The following GADL1 variants were observed in gnomAD, a reference collection of about 807,000 sequenced individuals.
The protein encoded by GADL1 is GAD like acidic amino acid decarboxylase 1.
In GADL1, 71 loss-of-function variants were observed where a neutral mutation model predicts 69.5. The observed-to-expected ratio is 1.02, with a 90% CI of 0.84 to 1.25. The LOEUF is 1.25. Ranked by LOEUF, GADL1 falls within the 50% of genes most tolerant of loss-of-function variation. The pLI is 0.00. For synonymous variants in GADL1, 254 were observed against 214.4 expected (o/e 1.18, Z -1.62); for missense variants, 737 against 631.8 (o/e 1.17, Z -1.79).
intron 13 of GADL1, among the ~76,000 whole-genome samples, chr3:30,784,438 A>G (rs550482305): frequency 1.4e-5 from 2 of 144,680 alleles, no homozygotes; most frequent in East Asian, 2.0e-4. Context: ...TTGTCTTTAT[A>G]GTACTACCAG....
chr3:30,805,066 A>G (rs1697227711), intron 11 of GADL1, among the ~76,000 whole-genome samples: 1 of 152,184 alleles, frequency 6.6e-6, no homozygotes, highest in Non-Finnish European at 1.5e-5. Context: ...CAATCACAAC[A>G]CCTAACCTAG....
At chr3:30,773,716 A>G (rs1465466702) in intron 14 of GADL1, among the ~76,000 whole-genome samples, 1 of 152,186 alleles carries the variant, frequency 6.6e-6, no homozygotes, top group Non-Finnish European at 1.5e-5. Context: ...TTCTTCTGAA[A>G]TATTTGCTAT....
chr3:30,762,422 G>A (rs1696159548), intron 14 of GADL1, among the ~76,000 whole-genome samples: 1 of 152,156 alleles, frequency 6.6e-6, no homozygotes, highest in African/African-American at 2.4e-5. Context: ...CTGAACTCAT[G>A]TACTTCAACA....
chr3:30,751,735 G>A (rs985319950), intron 14 of GADL1, among the ~76,000 whole-genome samples: 4 of 151,812 alleles, frequency 2.6e-5, no homozygotes, highest in Non-Finnish European at 2.9e-5. Context: ...CTGAGAAACT[G>A]AACTAGATTT....
At chr3:30,795,724 T>C (rs1276385160) in intron 12 of GADL1, among the ~76,000 whole-genome samples, 1 of 152,186 alleles carries the variant, frequency 6.6e-6, no homozygotes. Flanking sequence ...AGAAACTCTT[T>C]CCAAGTTTTA....
Position 30,786,369 on chromosome 3 carries a change from T to G in GADL1, c.1288A>C (p.Lys430Gln). 6.4e-7 allele frequency: 1 copy of G among 1,560,650 alleles called. No individual in the cohort carries two copies. The highest frequency in any genetic ancestry group is 8.8e-7 in the Non-Finnish European group (1 of 1,132,666). ...CAATCACTTACTTCCATCAGTAACT[T>G]GAATCCTTCTCTTTTCTTGATTTCA... is the stretch of plus-strand genomic sequence containing the variant. ...VDEIKKREGF[K>Q]LLMEPEYANI... The change falls in exon 13 of 15, where the codon AAG becomes CAG. Residue 430 changes from lysine (K) to glutamine (Q), a missense_variant. By Grantham distance (53) the Lys-to-Gln change is moderately conservative. Transcript: ENST00000282538.
At chr3:30,824,649 G>T (rs899140038) in intron 11 of GADL1, among the ~76,000 whole-genome samples, 4 of 151,578 alleles carry the variant, frequency 2.6e-5, no homozygotes, top group Non-Finnish European at 5.9e-5. Flanking sequence ...AAATCTTAAA[G>T]ACATAAGCTT....
intron 2 of GADL1, 138 bp downstream of exon 2, chr3:30,861,455 A>G: frequency 1.6e-6 from 1 of 640,284 alleles, no homozygotes. Flanking sequence ...ACACTTTTAT[A>G]TCTGGACATC....
chr3:30,754,710 C>A (rs193055046), intron 14 of GADL1, among the ~76,000 whole-genome samples: 6 of 152,194 alleles, frequency 3.9e-5, no homozygotes, highest in African/African-American at 1.4e-4. Context: ...TTCTAAAAGC[C>A]GTGGCTGACA....
At chr3:30,868,246 TCA>T (rs1247057656) in intron 1 of GADL1, among the ~76,000 whole-genome samples, 10 of 152,076 alleles carry the variant, frequency 6.6e-5, no homozygotes, top group African/African-American at 2.4e-4. Context: ...AAAACTGCTC[TCA>T]GTTTTTTCAG....
chr3:30,891,327 A>T (rs751616961), intron 1 of GADL1, among the ~76,000 whole-genome samples: 2 of 152,142 alleles, frequency 1.3e-5, no homozygotes, highest in Non-Finnish European at 2.9e-5. Flanking sequence ...GGACTGCCAC[A>T]TCCAGCCCTA....
intron 1 of GADL1, among the ~76,000 whole-genome samples, chr3:30,880,213 T>C (rs549028730): frequency 6.6e-6 from 1 of 151,992 alleles, no homozygotes; most frequent in South Asian, 2.1e-4. Flanking sequence ...ATACAGTAAA[T>C]ATTTACATAT....
intron 11 of GADL1, 121 bp from the exon 12 acceptor site, chr3:30,801,209 G>C (rs2125507268): frequency 7.1e-6 from 5 of 706,028 alleles, no homozygotes; most frequent in Non-Finnish European, 1.2e-5. Flanking sequence ...ATCTCACTTT[G>C]ACTGCCTTAC....
intron 11 of GADL1, among the ~76,000 whole-genome samples, chr3:30,831,695 A>G (rs1185805489): frequency 1.3e-5 from 2 of 151,966 alleles, no homozygotes; most frequent in Non-Finnish European, 2.9e-5. Flanking sequence ...AAATGCGAGA[A>G]GAATGCTCTC....
chr3:30,766,531 A>C (rs930611004), intron 14 of GADL1, among the ~76,000 whole-genome samples: 1 of 151,146 alleles, frequency 6.6e-6, no homozygotes, highest in Non-Finnish European at 1.5e-5. Flanking sequence ...TAGTCCCTGA[A>C]AATCCATAAC....
chr3:30,836,828 G>A (rs1481551981), intron 9 of GADL1, among the ~76,000 whole-genome samples: 1 of 152,190 alleles, frequency 6.6e-6, no homozygotes, highest in Non-Finnish European at 1.5e-5. Flanking sequence ...CCGACGTTTT[G>A]TTCTCAGACA....
chr3:30,855,740 G>A (rs1214406066), intron 3 of GADL1, among the ~76,000 whole-genome samples: 1 of 151,918 alleles, frequency 6.6e-6, no homozygotes, highest in Non-Finnish European at 1.5e-5. Context: ...GAACAAAGAG[G>A]CAGGAGGTCT....
intron 8 of GADL1, among the ~76,000 whole-genome samples, chr3:30,842,964 G>GA (rs11430065): frequency 0.12 from 17,386 of 146,938 alleles, 1,052 homozygotes; most frequent in African/African-American, 0.16. Context: ...ATGAAAACTT[G>GA]AAAAAAAAAA....
At chr3:30,734,080 G>A (rs899716064) in intron 14 of GADL1, among the ~76,000 whole-genome samples, 1 of 152,180 alleles carries the variant, frequency 6.6e-6, no homozygotes, top group Admixed American at 6.5e-5. Flanking sequence ...AGACATGTGA[G>A]AAAGCATGAA....
Sources: gnomAD v4.1 joint callset for allele counts (sites outside exome capture counted in the v4.1 genomes callset) on GRCh38, gnomAD v4.1.1 for gene constraint, MANE v1.5 for transcripts, NCBI Gene and HGNC (gene_info 2026-07-23, HGNC 2026-07-21) for gene names.